Variants in C19orf47 observed in about 807,000 individuals in gnomAD.
C19orf47 encodes the protein chromosome 19 open reading frame 47.
A neutral mutation model predicts 32.3 loss-of-function variants in C19orf47; 18 were observed. The ratio of observed to expected loss-of-function variants is 0.56; its 90% CI spans 0.39 to 0.83. The LOEUF is 0.83. C19orf47 is among the 40% of genes least tolerant of loss of function. The pLI is 0.00. For synonymous variants in C19orf47, 202 were observed against 211.1 expected (o/e 0.96, Z 0.37); for missense variants, 484 against 531.6 (o/e 0.91, Z 0.88).
intron 1 of C19orf47, among the ~76,000 whole-genome samples, chr19:40,345,775 G>C (rs777533980): frequency 1.8e-4 from 27 of 150,998 alleles, no homozygotes; most frequent in African/African-American, 6.1e-4. Flanking sequence ...CCGGGGCGGG[G>C]GGGGGAGAGG....
In C19orf47 at chr19:40,324,045, G is replaced by A. The variant is rs551537904; in HGVS notation, c.624C>T (p.Leu208=). The change falls in exon 8 of 9, where the codon CTC becomes CTT. Residue 208 remains leucine, a synonymous_variant. Coordinates refer to ENST00000683109, the MANE Select transcript of C19orf47 (RefSeq NM_001256441.2). The part of the protein sequence containing the change: ...GLHRTSVFDR[L]GAETKADTTT... ...TGGTGTCTGCCTTGGTCTCGGCGCC[G>A]AGGCGGTCAAACACAGACGTCCTAT... The A allele has an allele frequency of 3.7e-5, 59 of 1,614,092 alleles. 1 individual carries two copies. Among genetic ancestry groups the A allele is most frequent in the Admixed American group, 5.0e-5 (3 of 60,012 alleles).
Position 40,326,396 on chromosome 19 carries a change from T to C in C19orf47, c.530A>G (p.Asn177Ser), listed in dbSNP as rs1747763309. 1 of 1,614,212 alleles carries C rather than the reference T, an allele frequency of 6.2e-7. No homozygotes were observed. Among genetic ancestry groups the C allele is most frequent in the African/African-American group, 1.3e-5 (1 of 75,066 alleles). ...TAEMEGKYVI[N>S]MPKGTTPRTR... ...GCGGGGTGTGGTGCCTTTGGGCATG[T>C]TGATGACGTACTTCCCCTCCATCTC... The change falls in exon 7 of 9, where the codon AAC (asparagine) becomes AGC (serine). Residue 177 changes from asparagine (N) to serine (S), a missense_variant. Physicochemically the swap from Asn to Ser is conservative, Grantham distance 46. Coordinates refer to ENST00000683109, the MANE Select transcript of C19orf47 (RefSeq NM_001256441.2).
At position 40,321,649 on chromosome 19, in the gene C19orf47, C is replaced by T; in HGVS notation, c.*233G>A. 3.0e-6 allele frequency: 4 copies of T among 1,353,726 alleles called. No individual in the cohort carries two copies. The highest frequency in any genetic ancestry group is 5.6e-5 in the East Asian group (2 of 35,560). 83.9% of individuals were successfully genotyped at this position (1,353,726 alleles called of 1,614,324 possible). On this transcript the variant is annotated 3_prime_UTR_variant, in exon 9 of 9. Coordinates refer to ENST00000683109, the MANE Select transcript of C19orf47 (RefSeq NM_001256441.2). Reference sequence around the variant, plus strand: ...CCAAGGCCACAGCCAGAGAAGAAAGCACAGAGGACATGAGAGAAGGGGAGT... The same window carrying T: ...CCAAGGCCACAGCCAGAGAAGAAAGTACAGAGGACATGAGAGAAGGGGAGT...
chr19:40,301,672 C>T, the C19orf47 span, among the ~76,000 whole-genome samples: 1 of 151,546 alleles, frequency 6.6e-6, no homozygotes, highest in African/African-American at 2.4e-5. Context: ...ATAGAGAAAC[C>T]CATCTCTACT....
chr19:40,297,868 G>A, the C19orf47 span, among the ~76,000 whole-genome samples: 4 of 113,990 alleles, frequency 3.5e-5, no homozygotes, highest in African/African-American at 5.7e-5. Flanking sequence ...AGGTGACTCC[G>A]TCTCAAAAAA....
chr19:40,334,295 A>T (rs367853863), intron 4 of C19orf47, among the ~76,000 whole-genome samples: 52 of 152,226 alleles, frequency 3.4e-4, no homozygotes, highest in African/African-American at 1.1e-3. Flanking sequence ...AGAAAAAATT[A>T]AAAAACTAGC....
chr19:40,321,698 C>T lies in C19orf47; in HGVS notation c.*184G>A, dbSNP rs1017372579. 11 of 1,417,816 alleles carry T rather than the reference C, an allele frequency of 7.8e-6. No individual in the cohort carries two copies. Among genetic ancestry groups the T allele is most frequent in the East Asian group, 5.2e-5 (2 of 38,820 alleles). The allele number at this position is 1,417,816 out of a possible 1,614,324, so 87.8% of individuals were successfully genotyped here. On this transcript the variant is annotated 3_prime_UTR_variant, in exon 9 of 9. Transcript: ENST00000683109. Reference sequence around the variant, plus strand: ...GTCCTGGAGCAGGCCAGGCCAGCTGCGACGACCATCCCAGGCTAGGAGAAA... The same window carrying T: ...GTCCTGGAGCAGGCCAGGCCAGCTGTGACGACCATCCCAGGCTAGGAGAAA...
intron 7 of C19orf47, 79 bp downstream of exon 7, chr19:40,326,255 T>C: frequency 6.4e-7 from 1 of 1,563,272 alleles, no homozygotes; most frequent in Non-Finnish European, 8.7e-7. Flanking sequence ...CCACCGTCTG[T>C]AGGATATGAC....
intron 4 of C19orf47, among the ~76,000 whole-genome samples, chr19:40,335,072 G>A (rs1367533760): frequency 2.0e-5 from 3 of 150,624 alleles, no homozygotes; most frequent in African/African-American, 7.3e-5. Flanking sequence ...AAGGGAGGGA[G>A]GGAGACAGTG....
chr19:40,330,094 C>T (rs1161701473), intron 5 of C19orf47, among the ~76,000 whole-genome samples: 7 of 152,194 alleles, frequency 4.6e-5, no homozygotes, highest in African/African-American at 1.7e-4. Flanking sequence ...CTGACAGACA[C>T]ATCATTCAAT....
chr19:40,340,960 A>AAGAGC (rs1555788672), intron 2 of C19orf47, among the ~76,000 whole-genome samples: 3 of 141,864 alleles, frequency 2.1e-5, no homozygotes, highest in African/African-American at 7.7e-5. Context: ...CCTGGGCAAC[A>AAGAGC]GTGTGAGCCT....
the C19orf47 span, among the ~76,000 whole-genome samples, chr19:40,305,141 G>A: frequency 2.0e-5 from 3 of 152,068 alleles, no homozygotes; most frequent in Admixed American, 2.0e-4. Flanking sequence ...TCAGGAGTTC[G>A]ACACCAGCCT....
intron 1 of C19orf47, among the ~76,000 whole-genome samples, chr19:40,345,302 G>A (rs2078250724): frequency 6.6e-6 from 1 of 152,022 alleles, no homozygotes; most frequent in East Asian, 1.9e-4. Flanking sequence ...CATGTGCTAA[G>A]CCCTTAGAAG....
intron 7 of C19orf47, among the ~76,000 whole-genome samples, chr19:40,325,353 T>C (rs553036108): frequency 3.2e-4 from 49 of 151,144 alleles, no homozygotes; most frequent in Non-Finnish European, 6.2e-4. Context: ...CTAGGCTGAG[T>C]GTGGTGGCTC....
At chr19:40,307,089 CTTTTTTTT>C in the C19orf47 span, among the ~76,000 whole-genome samples, 8 of 64,860 alleles carry the variant, frequency 1.2e-4, no homozygotes, top group African/African-American at 3.7e-4. Context: ...GCGCCCGGCC[CTTTTTTTT>C]TTTTTTTTTT....
chr19:40,336,052 A>C (rs2078058323), intron 4 of C19orf47, 58 bp downstream of exon 4: 2 of 1,520,896 alleles, frequency 1.3e-6, no homozygotes, highest in Non-Finnish European at 9.1e-7. Flanking sequence ...TGGCTCTGCA[A>C]CTGACCCTCC....
chr19:40,346,511 TAA>T (rs1319215282), intron 1 of C19orf47, among the ~76,000 whole-genome samples: 1 of 135,238 alleles, frequency 7.4e-6, no homozygotes. Context: ...AACACCATCT[TAA>T]AAAAAAAAAA....
intron 7 of C19orf47, among the ~76,000 whole-genome samples, chr19:40,325,609 T>C (rs548679039): frequency 1.5e-4 from 23 of 152,122 alleles, no homozygotes; most frequent in African/African-American, 1.9e-4. Flanking sequence ...GCCTGGGTGA[T>C]GAAGTGAGAC....
chr19:40,322,229 G>A lies in C19orf47; in HGVS notation c.811C>T (p.Gln271Ter). Residue 271 changes from glutamine to a stop codon, truncating the protein, a stop_gained, in exon 9 of 9, where the codon CAG becomes TAG. Coordinates refer to ENST00000683109, the MANE Select transcript of C19orf47 (RefSeq NM_001256441.2). LOFTEE classifies it high-confidence loss of function. ...LGRGPAKASP[Q>*]PALTVKAKAT... ...TTGGCTTTGACAGTCAGTGCTGGCT[G>A]GGGACTGGCCTTGGCTGGGCCCCGT... 6.2e-7 allele frequency: 1 copy of A among 1,609,626 alleles called. No homozygotes were observed. Among genetic ancestry groups the A allele is most frequent in the Non-Finnish European group, 8.5e-7 (1 of 1,179,980 alleles).
Sources: allele counts gnomAD v4.1 joint callset (sites outside exome capture counted in the v4.1 genomes callset), GRCh38; gene constraint gnomAD v4.1.1; transcripts MANE v1.5; gene names NCBI Gene and HGNC (gene_info 2026-07-23, HGNC 2026-07-21).